TMPRSS2: variants seen among roughly 807,000 people sequenced by gnomAD.
TMPRSS2 encodes transmembrane protease serine 2.
Under a neutral mutation model 67.4 loss-of-function variants are expected in TMPRSS2, and 59 were observed. The ratio of observed to expected loss-of-function variants is 0.88; its 90% CI spans 0.71 to 1.09. TMPRSS2 has a LOEUF of 1.09. Among genes scored for constraint, TMPRSS2 ranks in the 50% least tolerant of loss-of-function variants. TMPRSS2 has a pLI of 0.00. For synonymous variants in TMPRSS2, 257 were observed against 257.0 expected (o/e 1.00, Z 0.00); for missense variants, 668 against 642.7 (o/e 1.04, Z -0.43).
chr21:41,504,757 G>A (rs1601593742), intron 1 of TMPRSS2, among the ~76,000 whole-genome samples: 1 of 152,154 alleles, frequency 6.6e-6, no homozygotes, highest in Admixed American at 6.5e-5. Flanking sequence ...TACCCCTGGT[G>A]CTTGCAAGTC....
chr21:41,494,668 C>T (rs745378739), intron 2 of TMPRSS2, 90 bp from the exon 3 acceptor site: 2 of 1,153,276 alleles, frequency 1.7e-6, no homozygotes, highest in Non-Finnish European at 2.6e-6. Flanking sequence ...CACAGCTATA[C>T]CAATGATCTT....
rs1172457546 is a variant in TMPRSS2 at position 41,500,083 on chromosome 21, AG to A, written c.-56-1895del. ...CAAACAGCAGCAGGCAGCACTGGGC[AG>A]CGGTTCAGCCCCTGACCTCTGAGAC... is the stretch of plus-strand genomic sequence containing the variant. On this transcript the variant is annotated intron_variant, in intron 1 of 13. Transcript: ENST00000332149. 2.6e-5 allele frequency among the ~76,000 whole-genome samples: 4 copies of A among 152,294 alleles called. No individual in the cohort carries two copies. In the East Asian group the frequency reaches 7.7e-4, roughly 29 times the overall value.
chr21:41,475,243 T>G (rs1261490675), intron 8 of TMPRSS2, among the ~76,000 whole-genome samples: 1 of 3,490 alleles, frequency 2.9e-4, no homozygotes. Flanking sequence ...AGTGAGGGGG[T>G]GAATGGGTGA....
chr21:41,468,215 C>T, intron 12 of TMPRSS2, 181 bp downstream of exon 12: 3 of 720,864 alleles, frequency 4.2e-6, no homozygotes, highest in Non-Finnish European at 6.7e-6. Context: ...GATTTGTTGA[C>T]TGTACTTCCT....
At chr21:41,469,098 G>T (rs962669041) in intron 11 of TMPRSS2, among the ~76,000 whole-genome samples, 2 of 151,986 alleles carry the variant, frequency 1.3e-5, no homozygotes, top group African/African-American at 4.8e-5. Flanking sequence ...TGCAAAACCA[G>T]AACCCTCCGT....
At chr21:41,466,880 C>A (rs2091089276) in intron 13 of TMPRSS2, among the ~76,000 whole-genome samples, 1 of 152,220 alleles carries the variant, frequency 6.6e-6, no homozygotes, top group Non-Finnish European at 1.5e-5. Context: ...CACCCCCTAT[C>A]TGGACAATGC....
rs982570598 is a variant in TMPRSS2, at chr21:41,465,214, G to A, written c.*928C>T. The A allele has an allele frequency of 9.0e-5, 21 of 233,664 alleles. No homozygotes were observed. Among genetic ancestry groups the A allele is most frequent in the Non-Finnish European group, 1.5e-4 (18 of 118,076 alleles). The allele number at this position is 233,664 out of a possible 1,614,324, so 14.5% of individuals were successfully genotyped here. A position where few individuals can be genotyped will look rare whatever the true frequency, so the allele number is the denominator to read the frequency against. On this transcript the variant is annotated 3_prime_UTR_variant, in exon 14 of 14. Coordinates refer to ENST00000332149, the MANE Select transcript of TMPRSS2 (RefSeq NM_005656.4). The stretch of plus-strand genomic sequence containing the variant: ...GAGACATCAAAAGCTAAGTTTCCAG[G>A]AGCACTGAGGTAGCAATGTGTAGAA...
intron 1 of TMPRSS2, among the ~76,000 whole-genome samples, chr21:41,499,163 A>C (rs189570078): frequency 1.3e-5 from 2 of 152,340 alleles, no homozygotes; most frequent in Admixed American, 1.3e-4. Flanking sequence ...AAACCCAAAA[A>C]AGAAAGAAAT....
chr21:41,506,536 C>T (rs1473532497), intron 1 of TMPRSS2: 1 of 152,378 alleles, frequency 6.6e-6, no homozygotes, highest in Non-Finnish European at 1.5e-5. Flanking sequence ...CCTCCAGTGA[C>T]TTTCTGGGGG....
intron 8 of TMPRSS2, 113 bp downstream of exon 8, chr21:41,476,464 G>A (rs1287445916): frequency 1.6e-5 from 17 of 1,090,560 alleles, no homozygotes; most frequent in South Asian, 1.0e-4. Flanking sequence ...ATTCCAACCC[G>A]TGACCCCACC....
chr21:41,473,720 G>A (rs1183704678), intron 8 of TMPRSS2, among the ~76,000 whole-genome samples: 1 of 151,548 alleles, frequency 6.6e-6, no homozygotes, highest in Admixed American at 6.6e-5. Flanking sequence ...ACACTCCTGT[G>A]ATCCCATGGG....
chr21:41,506,495 C>T (rs542961770), intron 1 of TMPRSS2: 1 of 152,390 alleles, frequency 6.6e-6, no homozygotes, highest in South Asian at 2.1e-4. Flanking sequence ...TCTTCAAAAG[C>T]ACTCAGTAAA....
intron 1 of TMPRSS2, among the ~76,000 whole-genome samples, chr21:41,503,792 G>C (rs973524675): frequency 6.6e-6 from 1 of 152,218 alleles, no homozygotes; most frequent in Non-Finnish European, 1.5e-5. Flanking sequence ...ACCAGACATA[G>C]TGATCTTTCA....
At chr21:41,497,163 C>T (rs2091389989) in intron 2 of TMPRSS2, among the ~76,000 whole-genome samples, 1 of 152,082 alleles carries the variant, frequency 6.6e-6, no homozygotes, top group African/African-American at 2.4e-5. Context: ...TTATTGACCT[C>T]AGAGAATGAC....
intron 5 of TMPRSS2, chr21:41,487,550 T>G (rs1312647352): frequency 6.6e-6 from 1 of 152,198 alleles, no homozygotes; most frequent in East Asian, 1.9e-4. Flanking sequence ...TATGTGTTCT[T>G]AATAAGACAC....
intron 2 of TMPRSS2, 112 bp downstream of exon 2, chr21:41,498,007 C>T (rs950502226): frequency 1.1e-5 from 9 of 789,956 alleles, no homozygotes; most frequent in African/African-American, 1.7e-5. Context: ...CAGCGTGGCC[C>T]GGCGTTCCCT....
intron 2 of TMPRSS2, among the ~76,000 whole-genome samples, chr21:41,496,053 A>G (rs2091379528): frequency 6.6e-6 from 1 of 152,212 alleles, no homozygotes; most frequent in South Asian, 2.1e-4. Flanking sequence ...TTCCTTGAAT[A>G]TTGATATACA....
At chr21:41,470,617 T>C in intron 11 of TMPRSS2, 31 bp downstream of exon 11, 1 of 1,601,830 alleles carries the variant, frequency 6.2e-7, no homozygotes, top group South Asian at 1.1e-5. Flanking sequence ...CTGTGGGCCC[T>C]GCAGTCCTGT....
intron 7 of TMPRSS2, 57 bp from the exon 8 acceptor site, chr21:41,476,677 A>C: frequency 6.2e-6 from 9 of 1,455,720 alleles, no homozygotes; most frequent in Non-Finnish European, 8.7e-6. Context: ...CCTGCCTCTC[A>C]CATGCTTAGA....
Sources: gnomAD v4.1 joint callset for allele counts (sites outside exome capture counted in the v4.1 genomes callset) on GRCh38, gnomAD v4.1.1 for gene constraint, MANE v1.5 for transcripts, NCBI Gene and HGNC (gene_info 2026-07-23, HGNC 2026-07-21) for gene names.